C6orf132: variants seen among roughly 807,000 people sequenced by gnomAD.
The protein encoded by C6orf132 is uncharacterized protein C6orf132.
A neutral mutation model predicts 65.3 loss-of-function variants in C6orf132; 43 were observed. That is an observed-to-expected ratio of 0.66 (90% CI 0.52 to 0.85). C6orf132 has a LOEUF of 0.85. C6orf132 is among the 40% of genes least tolerant of loss of function. C6orf132 has a pLI of 0.00. For missense variants in C6orf132, 1,488 were observed against 1,548.8 expected (o/e 0.96, Z 0.66); for synonymous variants, 631 against 654.1 (o/e 0.96, Z 0.54).
Position 42,101,818 on chromosome 6 carries a change from C to T in C6orf132, c.*1943G>A, listed in dbSNP as rs1766288732. The stretch of plus-strand genomic sequence containing the variant: ...TGGCCTTGGTAATCTGGGCATCCAC[C>T]CACCCCTGCACTTTCTTCCCTAAAG... On this transcript the variant is annotated 3_prime_UTR_variant, in exon 5 of 5. Coordinates refer to ENST00000341865, the MANE Select transcript of C6orf132 (RefSeq NM_001164446.3). The T allele has an allele frequency of 6.6e-6, 1 of 152,202 alleles. No individual in the cohort carries two copies. Among genetic ancestry groups the T allele is most frequent in the East Asian group, 1.9e-4 (1 of 5,198 alleles). The allele number at this position is 152,202 out of a possible 1,614,324, so 9.4% of individuals were successfully genotyped here.
intron 1 of C6orf132, among the ~76,000 whole-genome samples, chr6:42,129,049 G>A (rs144145592): frequency 1.3e-5 from 2 of 152,352 alleles, no homozygotes; most frequent in South Asian, 2.1e-4. Flanking sequence ...TAACCACCAC[G>A]CTGTACCGTC....
Position 42,107,542 on chromosome 6 carries a change from A to G in C6orf132, c.370T>C (p.Ser124Pro), listed in dbSNP as rs1373472810. The G allele has an allele frequency of 1.3e-6, 2 of 1,550,724 alleles. No homozygotes were observed. Among genetic ancestry groups the G allele is most frequent in the East Asian group, 4.9e-5 (2 of 40,870 alleles). The change falls in exon 4 of 5, where the codon TCT becomes CCT. Residue 124 changes from serine to proline, a missense_variant. Physicochemically the swap from Ser to Pro is moderately conservative, Grantham distance 74 (BLOSUM62 -1). Coordinates refer to ENST00000341865, the MANE Select transcript of C6orf132 (RefSeq NM_001164446.3). ...LVNGNLRLYSSVGDLRPGQYG... is the reference protein window; with the variant it reads ...LVNGNLRLYSPVGDLRPGQYG... ...TGTCCAGGCCTCAGGTCACCCACAG[A>G]GCTGTACAGTCGGAGGTTGCCATTG...
In C6orf132 at chr6:42,142,435, T is replaced by C. The variant is rs1562044734; in HGVS notation, c.10A>G (p.Lys4Glu). The change falls in exon 1 of 5, where the codon AAG becomes GAG. Residue 4 changes from lysine to glutamate, a missense_variant. Coordinates refer to ENST00000341865, the MANE Select transcript of C6orf132 (RefSeq NM_001164446.3). ...CTGAAGGTGCCCTGCACCGTCTGCT[T>C]CTTTTTCATGCTGCCGCAGCCCGCG... Reference protein sequence around the residue: MKKKQTVQGTFSKL... With the variant: MKKEQTVQGTFSKL... 1 of 1,543,022 alleles carries C rather than the reference T, an allele frequency of 6.5e-7. No homozygotes were observed. Among genetic ancestry groups the C allele is most frequent in the Non-Finnish European group, 8.8e-7 (1 of 1,139,934 alleles).
At chr6:42,137,250 C>A (rs1766958150) in intron 1 of C6orf132, among the ~76,000 whole-genome samples, 1 of 152,112 alleles carries the variant, frequency 6.6e-6, no homozygotes, top group African/African-American at 2.4e-5. Context: ...CACCTTGTAG[C>A]TGGTCTGTAG....
Position 42,134,445 on chromosome 6 carries a change from T to G in C6orf132, c.146-5667A>C, listed in dbSNP as rs1168715474. 3.3e-5 allele frequency among the ~76,000 whole-genome samples: 5 copies of G among 152,122 alleles called. No individual in the cohort carries two copies. The East Asian group carries it at 9.6e-4, about 29-fold the overall frequency. ...CTGTAATCTCTGCATTTTGGGAGGC[T>G]GAGGCAGGAGGATTACTTGAGGTCA... On this transcript the variant is annotated intron_variant, in intron 1 of 4. Transcript: ENST00000341865.
At position 42,104,725 on chromosome 6, in the gene C6orf132, T is replaced by G; in HGVS notation, c.3187A>C (p.Lys1063Gln). The G allele has an allele frequency of 6.6e-7, 1 of 1,526,290 alleles. No individual in the cohort carries two copies. Among genetic ancestry groups the G allele is most frequent in the Non-Finnish European group, 8.7e-7 (1 of 1,142,956 alleles). The allele number at this position is 1,526,290 out of a possible 1,614,324, so 94.5% of individuals were successfully genotyped here. ...GGCTCCCCGACGTACAGGCGCTTCT[T>G]TATGAGCGAGCGGCCCCCTCCCGAG... ...RFSGGGRSLI[K>Q]KRLYVGEPHR... Residue 1063 changes from lysine to glutamine, a missense_variant, in exon 4 of 5, where the codon AAG becomes CAG. Physicochemically the swap from Lys to Gln is moderately conservative, Grantham distance 53. Coordinates refer to ENST00000341865, the MANE Select transcript of C6orf132 (RefSeq NM_001164446.3). This position sits in a 1 kb window ranked among gnomAD's most constrained non-coding sequence, Gnocchi z 4.1.
chr6:42,126,916 G>A (rs1197967946), intron 2 of C6orf132: 6 of 363,108 alleles, frequency 1.7e-5, no homozygotes, highest in Non-Finnish European at 3.0e-5. Flanking sequence ...TTCTATCAGA[G>A]TTTTATGCAT....
At chr6:42,132,864 AAAAAG>A (rs1169218182) in intron 1 of C6orf132, among the ~76,000 whole-genome samples, 1,589 of 148,632 alleles carry the variant, frequency 0.011, 22 homozygotes, top group African/African-American at 0.028. Context: ...CTCAAAAAAA[AAAAAG>A]AAAAGAAAAG....
intron 1 of C6orf132, among the ~76,000 whole-genome samples, chr6:42,134,149 G>C (rs950609913): frequency 6.6e-6 from 1 of 152,156 alleles, no homozygotes; most frequent in African/African-American, 2.4e-5. Flanking sequence ...TGGGACGGGA[G>C]GCAGGACCTT....
rs1237976646 is a variant in C6orf132 at position 42,124,060 on chromosome 6, G to C, written c.252+4612C>G. On this transcript the variant is annotated intron_variant, in intron 2 of 4. Transcript: ENST00000341865. This position sits in a 1 kb window ranked among gnomAD's most constrained non-coding sequence, Gnocchi z 4.0. ...GGAAGTCATTTTAACACAGAAAGTCGTGGCTGGGGAGACCCTTGAGGACTA... is the reference window on the plus strand; with the variant it reads ...GGAAGTCATTTTAACACAGAAAGTCCTGGCTGGGGAGACCCTTGAGGACTA... Among the ~76,000 whole-genome samples the C allele has an allele frequency of 6.6e-6, 1 of 152,162 alleles. No homozygotes were observed. The highest frequency in any genetic ancestry group is 2.4e-5 in the African/African-American group (1 of 41,442).
intron 2 of C6orf132, among the ~76,000 whole-genome samples, chr6:42,110,599 G>T (rs938123445): frequency 1.4e-4 from 21 of 152,188 alleles, no homozygotes; most frequent in Non-Finnish European, 2.4e-4. Context: ...CTGGTCACAA[G>T]ATTTTTGTCA....
At chr6:42,128,950 A>C (rs1247318209) in intron 1 of C6orf132, among the ~76,000 whole-genome samples, 172 bp from the exon 2 acceptor site, 1 of 152,208 alleles carries the variant, frequency 6.6e-6, no homozygotes, top group East Asian at 1.9e-4. Flanking sequence ...TGAGATGTGC[A>C]CTAATGGGGC....
At chr6:42,137,391 G>A (rs772602020) in intron 1 of C6orf132, among the ~76,000 whole-genome samples, 1 of 152,132 alleles carries the variant, frequency 6.6e-6, no homozygotes, top group Non-Finnish European at 1.5e-5. Context: ...CAGGGAACAG[G>A]AGTAAACAAA....
chr6:42,128,790 A>G lies in C6orf132; in HGVS notation c.146-12T>C. ...ATAATAGATGCCATCTAGAGAACAC[A>G]AGTGAGGGGACACCATAAGCTGGAG... On this transcript the variant is annotated splice_polypyrimidine_tract_variant and intron_variant, in intron 1 of 4. Coordinates refer to ENST00000341865, the MANE Select transcript of C6orf132 (RefSeq NM_001164446.3). The G allele has an allele frequency of 6.5e-7, 1 of 1,536,434 alleles. No individual in the cohort carries two copies. The highest frequency in any genetic ancestry group is 8.8e-7 in the Non-Finnish European group (1 of 1,133,236).
chr6:42,115,577 C>T (rs1025717426), intron 2 of C6orf132, among the ~76,000 whole-genome samples: 17 of 152,082 alleles, frequency 1.1e-4, no homozygotes, highest in African/African-American at 3.1e-4. Context: ...ACCCGGGAGG[C>T]GGAGCTTGCA....
At chr6:42,108,640 AG>A (rs1766450376) in intron 3 of C6orf132, among the ~76,000 whole-genome samples, 1 of 152,246 alleles carries the variant, frequency 6.6e-6, no homozygotes, top group East Asian at 1.9e-4. Flanking sequence ...ACTGCAGAAT[AG>A]AACAGGGGTG....
intron 1 of C6orf132, among the ~76,000 whole-genome samples, chr6:42,141,925 T>C (rs1582289343): frequency 1.3e-5 from 2 of 152,088 alleles, no homozygotes; most frequent in Non-Finnish European, 2.9e-5. Context: ...AATGGGGGTG[T>C]AGCGGTGGGG....
intron 1 of C6orf132, among the ~76,000 whole-genome samples, chr6:42,130,743 A>G (rs1490172811): frequency 1.3e-5 from 2 of 152,166 alleles, no homozygotes; most frequent in African/African-American, 4.8e-5. Flanking sequence ...AATAATAATA[A>G]AAGGTAAAAA....
chr6:42,104,754 C>T lies in C6orf132; in HGVS notation c.3158G>A (p.Arg1053His), dbSNP rs781030787. 26 of 1,516,752 alleles carry T rather than the reference C, an allele frequency of 1.7e-5. No individual in the cohort carries two copies. The highest frequency in any genetic ancestry group is 2.2e-5 in the Non-Finnish European group (25 of 1,138,244). 94.0% of individuals were successfully genotyped at this position (1,516,752 alleles called of 1,614,324 possible). A position where few individuals can be genotyped will look rare whatever the true frequency, so the allele number is the denominator to read the frequency against. The change falls in exon 4 of 5, where the codon CGC becomes CAC. Residue 1053 changes from arginine to histidine, a missense_variant. Coordinates refer to ENST00000341865, the MANE Select transcript of C6orf132 (RefSeq NM_001164446.3). This position sits in a 1 kb window ranked among gnomAD's most constrained non-coding sequence, Gnocchi z 4.1. ...GAGCGAGCGGCCCCCTCCCGAGAAGCGCTCCAGGCCCCCAGCCCCGGCGTA... is the reference window on the plus strand; with the variant it reads ...GAGCGAGCGGCCCCCTCCCGAGAAGTGCTCCAGGCCCCCAGCCCCGGCGTA... Reference protein sequence around the residue: ...ARYAGAGGLERFSGGGRSLIK... With the variant: ...ARYAGAGGLEHFSGGGRSLIK...
Sources: allele counts gnomAD v4.1 joint callset (sites outside exome capture counted in the v4.1 genomes callset), GRCh38; gene constraint gnomAD v4.1.1; non-coding constraint Gnocchi (gnomAD v3.1); transcripts MANE v1.5; gene names NCBI Gene and HGNC (gene_info 2026-07-23, HGNC 2026-07-21).